The following VMA22 variants were observed in gnomAD, a reference collection of about 807,000 sequenced individuals.
The protein encoded by VMA22 is vacuolar ATPase assembly protein VMA22.
chr2:130,341,203 T>C, the VMA22 span: 5 of 753,330 alleles, frequency 6.6e-6, no homozygotes, highest in Non-Finnish European at 1.0e-5. Context: ...AAACACAGCC[T>C]TTCCCCTTGT....
the VMA22 span, chr2:130,341,529 C>G: frequency 6.6e-4 from 473 of 717,426 alleles, 1 homozygote; most frequent in African/African-American, 8.0e-3. Context: ...TAAGGCAAAA[C>G]CACCCTACAA....
the VMA22 span, chr2:130,339,107 CTT>C: frequency 3.7e-6 from 6 of 1,602,830 alleles, no homozygotes; most frequent in Non-Finnish European, 5.1e-6. Context: ...TGCCCTGCCT[CTT>C]TGCGCGCATG....
the VMA22 span, chr2:130,340,485 T>C: frequency 3.9e-6 from 1 of 256,162 alleles, no homozygotes; most frequent in South Asian, 3.7e-5. Context: ...GGCTGGTTCC[T>C]CCATCTAGAG....
chr2:130,339,412 C>T, the VMA22 span: 1 of 1,417,418 alleles, frequency 7.1e-7, no homozygotes, highest in Non-Finnish European at 9.2e-7. Context: ...CTTACACCTC[C>T]TTCAGGTCTT....
At chr2:130,342,574 G>A in the VMA22 span, 1 of 459,010 alleles carries the variant, frequency 2.2e-6, no homozygotes, top group South Asian at 3.5e-5. Context: ...GTTTCCAGCC[G>A]CTAATTATGA....
chr2:130,342,308 G>T, the VMA22 span: 20 of 1,150,486 alleles, frequency 1.7e-5, 1 homozygote, highest in Middle Eastern at 2.2e-4. Flanking sequence ...GAAGCAGCAC[G>T]GAAGCAACCA....
the VMA22 span, chr2:130,341,202 C>T: frequency 1.3e-6 from 1 of 768,562 alleles, no homozygotes; most frequent in Non-Finnish European, 2.0e-6. Context: ...AAAACACAGC[C>T]TTTCCCCTTG....
At chr2:130,342,320 T>A in the VMA22 span, 1 of 1,014,078 alleles carries the variant, frequency 9.9e-7, no homozygotes, top group Non-Finnish European at 1.4e-6. Flanking sequence ...AAGCAACCAA[T>A]CAACTGGTTT....
the VMA22 span, chr2:130,341,782 C>T: frequency 6.2e-7 from 1 of 1,600,636 alleles, no homozygotes; most frequent in East Asian, 2.2e-5. Context: ...GGAGCTTTGG[C>T]AGCCCGGGCC....
chr2:130,341,518 C>A, the VMA22 span: 4 of 658,032 alleles, frequency 6.1e-6, no homozygotes, highest in Admixed American at 9.3e-5. Context: ...CTATAAAAGT[C>A]TAAGGCAAAA....
the VMA22 span, chr2:130,339,963 A>G: frequency 1.6e-6 from 1 of 618,702 alleles, no homozygotes; most frequent in South Asian, 2.1e-5. Flanking sequence ...GGCCTCTCCC[A>G]AACTCCAGAT....
At chr2:130,339,018 G>A in the VMA22 span, 26 of 807,828 alleles carry the variant, frequency 3.2e-5, no homozygotes, top group African/African-American at 5.1e-5. Context: ...ATTAGCTGGC[G>A]TGGGGTAGGG....
the VMA22 span, chr2:130,341,243 T>A: frequency 3.1e-5 from 19 of 618,740 alleles, no homozygotes; most frequent in Non-Finnish European, 5.0e-5. Context: ...GTCCACTCTT[T>A]CCCGTGACTC....
chr2:130,341,614 C>T, the VMA22 span: 5 of 1,421,838 alleles, frequency 3.5e-6, no homozygotes, highest in South Asian at 1.2e-5. Context: ...CCATAATTTG[C>T]ATTTTGTCTT....
chr2:130,342,309 G>A, the VMA22 span: 55 of 1,149,322 alleles, frequency 4.8e-5, no homozygotes, highest in Middle Eastern at 4.5e-4. Context: ...AAGCAGCACG[G>A]AAGCAACCAA....
the VMA22 span, chr2:130,341,189 C>T: frequency 6.0e-6 from 5 of 840,218 alleles, no homozygotes; most frequent in Non-Finnish European, 9.0e-6. Context: ...AACAGCTTAC[C>T]ACAAAACACA....
chr2:130,341,885 C>T, the VMA22 span: 1 of 1,574,574 alleles, frequency 6.4e-7, no homozygotes, highest in Middle Eastern at 1.7e-4. Flanking sequence ...AAGCATACTG[C>T]AGGGGCCCTA....
At chr2:130,339,929 A>T in the VMA22 span, 2 of 875,316 alleles carry the variant, frequency 2.3e-6, no homozygotes, top group Non-Finnish European at 3.0e-6. Flanking sequence ...TATGCAGTGG[A>T]CTCCCAAATC....
At chr2:130,341,278 T>C in the VMA22 span, 1 of 570,788 alleles carries the variant, frequency 1.8e-6, no homozygotes. Context: ...GATGACCCTG[T>C]TTGCCTGTGA....
Sources: allele counts gnomAD v4.1 joint callset, GRCh38; gene constraint gnomAD v4.1.1; transcripts MANE v1.5; gene names NCBI Gene and HGNC (gene_info 2026-07-23, HGNC 2026-07-21).